The following TDRD7 variants were observed in gnomAD, a reference collection of about 807,000 sequenced individuals.
The protein encoded by TDRD7 is tudor domain containing 7, also known as tudor domain-containing protein 7.
A neutral mutation model predicts 109.8 loss-of-function variants in TDRD7; 47 were observed. The observed-to-expected ratio is 0.43, with a 90% confidence interval of 0.34 to 0.55. The LOEUF (loss-of-function observed/expected upper bound fraction) is 0.55, where lower values mean the gene tolerates loss of function less well. TDRD7 is among the 20% of genes least tolerant of loss of function. TDRD7 has a pLI of 0.03. For synonymous variants in TDRD7, 424 were observed against 457.3 expected, an observed-to-expected ratio of 0.93 and a Z score of 0.93; for missense variants, 1,164 against 1,319.2, an observed-to-expected ratio of 0.88 and a Z score of 1.82.
intron 16 of TDRD7, among the ~76,000 whole-genome samples, chr9:97,494,726 C>A (rs139604820): frequency 2.9e-5 from 4 of 138,910 alleles, no homozygotes; most frequent in Admixed American, 2.1e-4. Flanking sequence ...TTTTTTTTTT[C>A]GAGAGGGTCT....
chr9:97,437,287 A>G (rs1361758482), intron 4 of TDRD7, among the ~76,000 whole-genome samples: 1 of 152,178 alleles, frequency 6.6e-6, no homozygotes, highest in Non-Finnish European at 1.5e-5. Context: ...GCTCAGTTAA[A>G]GATAAATCTG....
intron 4 of TDRD7, among the ~76,000 whole-genome samples, chr9:97,438,134 T>C (rs886750789): frequency 6.6e-6 from 1 of 152,188 alleles, no homozygotes; most frequent in Non-Finnish European, 1.5e-5. Flanking sequence ...GAAGGAGTAC[T>C]ATCTCCCTAC....
At position 97,432,110 on chromosome 9, in the gene TDRD7, C is replaced by T; in HGVS notation, c.435C>T (p.Asp145=). ...GKKPNPAPLR[D]KGNSVGVKPD... Reference sequence around the variant, plus strand: ...AACCTAATCCAGCACCGTTAAGAGACAAAGGAAACTCTGTTGGAGTTAAGC... The same window carrying T: ...AACCTAATCCAGCACCGTTAAGAGATAAAGGAAACTCTGTTGGAGTTAAGC... The change falls in exon 4 of 17, where the codon GAC becomes GAT. Residue 145 remains aspartate, a synonymous_variant. Transcript: ENST00000355295. 1.9e-6 allele frequency: 3 copies of T among 1,613,818 alleles called. No homozygotes were observed. The highest frequency in any genetic ancestry group is 2.5e-6 in the Non-Finnish European group (3 of 1,179,800).
intron 1 of TDRD7, among the ~76,000 whole-genome samples, chr9:97,419,066 G>T (rs1368079332): frequency 6.6e-6 from 1 of 152,120 alleles, no homozygotes; most frequent in Non-Finnish European, 1.5e-5. Context: ...GTTTACACTG[G>T]TCACACCCAG....
intron 12 of TDRD7, among the ~76,000 whole-genome samples, chr9:97,475,985 A>G (rs1829011579): frequency 6.6e-6 from 1 of 152,198 alleles, no homozygotes; most frequent in Non-Finnish European, 1.5e-5. Context: ...TAATATGCCA[A>G]CGTTATCACT....
intron 1 of TDRD7, among the ~76,000 whole-genome samples, chr9:97,416,819 A>G (rs946867524): frequency 1.1e-4 from 17 of 152,028 alleles, no homozygotes; most frequent in African/African-American, 4.1e-4. Context: ...TATTCATTCA[A>G]CAAATATTTA....
At chr9:97,477,284 C>T (rs1021102092) in intron 12 of TDRD7, among the ~76,000 whole-genome samples, 2 of 152,158 alleles carry the variant, frequency 1.3e-5, no homozygotes, top group African/African-American at 4.8e-5. Context: ...ATCCACAGAA[C>T]ATACATTTCC....
At chr9:97,475,010 T>C (rs990849229) in intron 11 of TDRD7, among the ~76,000 whole-genome samples, 7 of 152,204 alleles carry the variant, frequency 4.6e-5, no homozygotes, top group Non-Finnish European at 1.0e-4. Context: ...ATGAAAAGAA[T>C]AGGCCCACAG....
At chr9:97,415,584 C>T (rs903092796) in intron 1 of TDRD7, among the ~76,000 whole-genome samples, 1 of 152,198 alleles carries the variant, frequency 6.6e-6, no homozygotes, top group Non-Finnish European at 1.5e-5. Context: ...CCCACCCCAC[C>T]TCATGTGCAT....
chr9:97,416,284 G>A (rs958881276), intron 1 of TDRD7, among the ~76,000 whole-genome samples: 1 of 152,204 alleles, frequency 6.6e-6, no homozygotes, highest in African/African-American at 2.4e-5. Context: ...GTCAAGCGTT[G>A]ATTCTCAGTC....
At chr9:97,460,120 T>C (rs1828683449) in intron 6 of TDRD7, 58 bp from the exon 7 acceptor site, 1 of 1,428,956 alleles carries the variant, frequency 7.0e-7, no homozygotes, top group Non-Finnish European at 9.9e-7. Context: ...ATTAATGTGT[T>C]TGTGGGTTGT....
intron 4 of TDRD7, among the ~76,000 whole-genome samples, chr9:97,433,053 A>G (rs1321653019): frequency 6.6e-6 from 1 of 152,174 alleles, no homozygotes; most frequent in Non-Finnish European, 1.5e-5. Flanking sequence ...CTGACCCCTG[A>G]TGTAGATGCA....
At chr9:97,441,985 T>A in intron 6 of TDRD7, 110 bp downstream of exon 6, 1 of 863,352 alleles carries the variant, frequency 1.2e-6, no homozygotes, top group South Asian at 1.4e-5. Flanking sequence ...GCACTTTACA[T>A]ATGTTACCTC....
intron 4 of TDRD7, 22 bp from the exon 5 acceptor site, chr9:97,439,223 T>C: frequency 1.4e-6 from 2 of 1,402,858 alleles, no homozygotes; most frequent in Non-Finnish European, 1.9e-6. Flanking sequence ...TTATTTTACT[T>C]TTTTTTTTTT....
chr9:97,446,445 A>T (rs1441039115), intron 6 of TDRD7, among the ~76,000 whole-genome samples: 2 of 152,232 alleles, frequency 1.3e-5, no homozygotes, highest in Non-Finnish European at 2.9e-5. Context: ...GAATGACAAA[A>T]TTATAGAACA....
chr9:97,482,732 G>A lies in TDRD7; in HGVS notation c.2413-117G>A, dbSNP rs538628337. The A allele has an allele frequency of 4.6e-5, 50 of 1,087,948 alleles. No homozygotes were observed. The South Asian group carries it at 7.4e-4, about 16-fold the overall frequency. The allele number at this position is 1,087,948 out of a possible 1,614,324, so 67.4% of individuals were successfully genotyped here. On this transcript the variant is annotated intron_variant, in intron 14 of 16. Transcript: ENST00000355295. ...AATTTATTTTTCCTTAAATAAAATGGATTTTAGCAAGGGTTTTGGCAAAAT... is the reference window on the plus strand; with the variant it reads ...AATTTATTTTTCCTTAAATAAAATGAATTTTAGCAAGGGTTTTGGCAAAAT...
chr9:97,430,825 C>A, intron 2 of TDRD7, 108 bp from the exon 3 acceptor site: 3 of 1,339,726 alleles, frequency 2.2e-6, no homozygotes, highest in Non-Finnish European at 2.1e-6. Context: ...TTGCATACCA[C>A]TTGACTTGGG....
At position 97,483,012 on chromosome 9, in the gene TDRD7, C is replaced by T. The variant is rs1479414960; in HGVS notation, c.2576C>T (p.Ser859Phe). 1 of 1,614,094 alleles carries T rather than the reference C, an allele frequency of 6.2e-7. No individual in the cohort carries two copies. Residue 859 changes from serine (S) to phenylalanine (F), a missense_variant, in exon 15 of 17, where the codon TCT becomes TTT. Ser to Phe is a radical substitution (Grantham distance 155). This residue lies in a region of TDRD7 where 233 missense variants were observed against 218.0 expected (regional missense o/e 1.07). Coordinates refer to ENST00000355295, the MANE Select transcript of TDRD7 (RefSeq NM_014290.3). ...AGTGCCATATCCAGTGGAGCTGACT[C>T]TCCCAACAGCAAAAATGGCAACATG... ...FLSAISSGAD[S>F]PNSKNGNMPM...
chr9:97,414,014 G>A (rs1276372827), intron 1 of TDRD7, among the ~76,000 whole-genome samples: 1 of 152,152 alleles, frequency 6.6e-6, no homozygotes, highest in East Asian at 1.9e-4. Context: ...ATCCAACCCC[G>A]AGTGCCTAAT....
Sources: allele counts gnomAD v4.1 joint callset (sites outside exome capture counted in the v4.1 genomes callset), GRCh38; gene constraint gnomAD v4.1.1; regional missense constraint gnomAD v4.1.1; transcripts MANE v1.5; gene names NCBI Gene and HGNC (gene_info 2026-07-23, HGNC 2026-07-21).